TST: variants seen among roughly 807,000 people sequenced by gnomAD.
TST encodes the protein epididymis secretory sperm binding protein.
In TST, 22 loss-of-function variants were observed where a neutral mutation model predicts 20.4. The ratio of observed to expected loss-of-function variants is 1.08; its 90% CI spans 0.77 to 1.54. TST has a LOEUF of 1.54. Ranked by LOEUF, TST falls within the 40% of genes most tolerant of loss-of-function variation. The probability of loss-of-function intolerance (pLI) is 0.00; values close to 1 mark genes in which losing one functional copy is unlikely to be tolerated. For synonymous variants in TST, 187 were observed against 173.8 expected (o/e 1.08, Z -0.60); for missense variants, 392 against 405.2 (o/e 0.97, Z 0.28).
chr22:37,018,688 C>T lies in TST; in HGVS notation c.45G>A (p.Trp15Ter). 1 of 1,536,158 alleles carries T rather than the reference C, an allele frequency of 6.5e-7. No individual in the cohort carries two copies. The highest frequency in any genetic ancestry group is 2.1e-5 in the Admixed American group (1 of 48,644). Reference sequence around the variant, plus strand: ...TGCCAGTCCTGATGGACTCCGCCAGCCACTTGGTGGAGACCAGCGCCCGGT... The same window carrying T: ...TGCCAGTCCTGATGGACTCCGCCAGTCACTTGGTGGAGACCAGCGCCCGGT... ...VLYRALVSTK[W>*]LAESIRTGKL... The change falls in exon 2 of 3, where the codon TGG (tryptophan) becomes TGA (stop). Residue 15 changes from tryptophan to a stop codon, truncating the protein, a stop_gained. Coordinates refer to ENST00000249042, the MANE Select transcript of TST (RefSeq NM_003312.6). LOFTEE classifies it high-confidence loss of function.
At chr22:37,020,027 G>C (rs1391150543), upstream of TST, 3 of 416,614 alleles carry the variant, frequency 7.2e-6, no homozygotes, top group African/African-American at 2.1e-5. Context: ...AAGGGTGACT[G>C]TCCGCTTGGG....
At position 37,010,945 on chromosome 22, in the gene TST, T is replaced by C; in HGVS notation, c.*82A>G. 3 of 1,514,316 alleles carry C rather than the reference T, an allele frequency of 2.0e-6. No individual in the cohort carries two copies. Among genetic ancestry groups the C allele is most frequent in the Non-Finnish European group, 2.7e-6 (3 of 1,123,436 alleles). 93.8% of individuals were successfully genotyped at this position (1,514,316 alleles called of 1,614,324 possible). A position where few individuals can be genotyped will look rare whatever the true frequency, so the allele number is the denominator to read the frequency against. ...GCAATTCTAAAAACATGTCATCTCCTTCACCTAAGAGGTAAGAACCGGCTG... is the reference window on the plus strand; with the variant it reads ...GCAATTCTAAAAACATGTCATCTCCCTCACCTAAGAGGTAAGAACCGGCTG... On this transcript the variant is annotated 3_prime_UTR_variant, in exon 3 of 3. Coordinates refer to ENST00000249042, the MANE Select transcript of TST (RefSeq NM_003312.6).
intron 2 of TST, among the ~76,000 whole-genome samples, chr22:37,016,622 G>C (rs907601570): frequency 6.6e-6 from 1 of 152,082 alleles, no homozygotes; most frequent in Admixed American, 6.6e-5. Flanking sequence ...AGCAGCAAGA[G>C]AACCAATTCC....
chr22:37,010,940 TCTC>T lies in TST; in HGVS notation c.*84_*86del, dbSNP rs1430698842. The T allele has an allele frequency of 6.6e-7, 1 of 1,503,898 alleles. No homozygotes were observed. The highest frequency in any genetic ancestry group is 9.0e-7 in the Non-Finnish European group (1 of 1,117,010). The allele number at this position is 1,503,898 out of a possible 1,614,324, so 93.2% of individuals were successfully genotyped here. On this transcript the variant is annotated 3_prime_UTR_variant, in exon 3 of 3. Coordinates refer to ENST00000249042, the MANE Select transcript of TST (RefSeq NM_003312.6). ...GCACAGCAATTCTAAAAACATGTCA[TCTC>T]CTTCACCTAAGAGGTAAGAACCGGC...
upstream of TST, chr22:37,019,831 G>A: frequency 1.7e-6 from 2 of 1,208,024 alleles, no homozygotes. Flanking sequence ...CCGCGCCGCG[G>A]GGGCCATGGC....
chr22:37,016,111 A>AT (rs984420481), intron 2 of TST, among the ~76,000 whole-genome samples: 10 of 149,498 alleles, frequency 6.7e-5, no homozygotes, highest in South Asian at 4.2e-4. Context: ...CGCCTGGCTA[A>AT]TTTTTTTTTC....
rs1000783141 is a variant in TST at position 37,015,935 on chromosome 22, C to CTTTTTTTT, written c.595+2195_595+2202dup. Among the ~76,000 whole-genome samples the CTTTTTTTT allele has an allele frequency of 5.8e-4, 43 of 73,884 alleles. 8 individuals carry two copies. Among genetic ancestry groups the CTTTTTTTT allele is most frequent in the African/African-American group, 2.3e-3 (40 of 17,238 alleles). The allele number at this position is 73,884 out of a possible 152,430, so 48.5% of individuals were successfully genotyped here. On this transcript the variant is annotated intron_variant, in intron 2 of 2. Coordinates refer to ENST00000249042, the MANE Select transcript of TST (RefSeq NM_003312.6). ...TGAAATCCCTTTCCAGCCACTGCTA[C>CTTTTTTTT]TTTTTTTTTTTTTTTTTTTTTTTTT...
chr22:37,018,305 G>C lies in TST; in HGVS notation c.428C>G (p.Ser143Cys). 2 of 1,614,054 alleles carry C rather than the reference G, an allele frequency of 1.2e-6. No individual in the cohort carries two copies. Among genetic ancestry groups the C allele is most frequent in the Non-Finnish European group, 1.7e-6 (2 of 1,180,022 alleles). ...NWLKEGHPVT[S>C]EPSRPEPAVF... is the part of the protein sequence containing the mutation. ...GGCCGGTTCTGGGCGTGAGGGCTCG[G>C]ATGTCACCGGGTGGCCCTCCTTCAG... Residue 143 changes from serine (S) to cysteine (C), a missense_variant, in exon 2 of 3, where the codon TCC (serine) becomes TGC (cysteine). Transcript: ENST00000249042.
upstream of TST, chr22:37,019,871 G>A (rs1291079160): frequency 2.5e-6 from 3 of 1,220,208 alleles, no homozygotes; most frequent in East Asian, 6.3e-5. Flanking sequence ...TCCGAGACCC[G>A]GGTAACTGCC....
Position 37,011,160 on chromosome 22 carries a change from G to A in TST, c.761C>T (p.Ala254Val). ...LIATCRKGVT[A>V]CHVALAAYLC... is the part of the protein sequence containing the mutation. ...GTAGGCAGCCAAGGCCACGTGGCAGGCGGTGACTCCCTTGCGGCACGTGGC... is the reference window on the plus strand; with the variant it reads ...GTAGGCAGCCAAGGCCACGTGGCAGACGGTGACTCCCTTGCGGCACGTGGC... The change falls in exon 3 of 3, where the codon GCC becomes GTC. Residue 254 changes from alanine (A) to valine (V), a missense_variant. By Grantham distance (64) the Ala-to-Val change is moderately conservative (BLOSUM62 0). Coordinates refer to ENST00000249042, the MANE Select transcript of TST (RefSeq NM_003312.6). 6.2e-7 allele frequency: 1 copy of A among 1,613,820 alleles called. No individual in the cohort carries two copies. The highest frequency in any genetic ancestry group is 8.5e-7 in the Non-Finnish European group (1 of 1,180,048).
At chr22:37,015,935 C>CTTTTTTTTTTTTT (rs1000783141) in intron 2 of TST, among the ~76,000 whole-genome samples, 1 of 73,868 alleles carries the variant, frequency 1.4e-5, no homozygotes, top group Non-Finnish European at 2.5e-5. Context: ...GCCACTGCTA[C>CTTTTTTTTTTTTT]TTTTTTTTTT....
chr22:37,016,471 A>G (rs971470152), intron 2 of TST, among the ~76,000 whole-genome samples: 2 of 152,146 alleles, frequency 1.3e-5, no homozygotes, highest in African/African-American at 4.8e-5. Flanking sequence ...CCGGGCCTTC[A>G]GGAGGCATTA....
chr22:37,015,961 T>TTTTTTA (rs1922664263), intron 2 of TST, among the ~76,000 whole-genome samples: 2 of 131,476 alleles, frequency 1.5e-5, no homozygotes, highest in Admixed American at 8.1e-5. Flanking sequence ...TTTTTTTTTT[T>TTTTTTA]GAGACAGAGT....
At position 37,018,138 on chromosome 22, in the gene TST, C is replaced by T. The variant is rs1195225105; in HGVS notation, c.595G>A (p.Gly199Arg). The T allele has an allele frequency of 1.2e-5, 18 of 1,546,252 alleles. No individual in the cohort carries two copies. The highest frequency in any genetic ancestry group is 1.5e-5 in the Non-Finnish European group (17 of 1,144,596). ...LGTEPEPDAV[G>R]LDSGHIRGAV... The stretch of plus-strand genomic sequence containing the variant: ...GACCACCCAGCACTGGGACACCTAC[C>T]TACTGCATCCGGCTCCGGCTCGGTG... The change falls in exon 2 of 3, where the codon GGA (glycine) becomes AGA (arginine). Residue 199 changes from glycine (G) to arginine (R), a missense_variant and splice_region_variant. Coordinates refer to ENST00000249042, the MANE Select transcript of TST (RefSeq NM_003312.6).
In TST at chr22:37,011,287, G is replaced by C. The variant is rs760288142; in HGVS notation, c.634C>G (p.Pro212Ala). 1 of 1,613,808 alleles carries C rather than the reference G, an allele frequency of 6.2e-7. No homozygotes were observed. The highest frequency in any genetic ancestry group is 1.7e-5 in the Admixed American group (1 of 60,020). Residue 212 changes from proline to alanine, a missense_variant, in exon 3 of 3, where the codon CCT becomes GCT. Physicochemically the swap from Pro to Ala is conservative, Grantham distance 27. Transcript: ENST00000249042. ...TCCTCAGTCAGGAAGTCCATGAAAG[G>C]CATGTTGACGGCACCACGGATATGG... The part of the protein sequence containing the change: ...SGHIRGAVNM[P>A]FMDFLTEDGF...
chr22:37,020,132 A>G, upstream of TST: 1 of 382,978 alleles, frequency 2.6e-6, no homozygotes, highest in Non-Finnish European at 4.6e-6. Flanking sequence ...GGGGAGAGAG[A>G]GGAGGACAGG....
chr22:37,016,911 T>A (rs1443742989), intron 2 of TST, among the ~76,000 whole-genome samples: 1 of 152,234 alleles, frequency 6.6e-6, no homozygotes, highest in African/African-American at 2.4e-5. Context: ...CTCCCCTCTG[T>A]CAGGTGAGGT....
At chr22:37,019,194 C>T (rs1318249702) in intron 1 of TST, 1 of 158,116 alleles carries the variant, frequency 6.3e-6, no homozygotes, top group Non-Finnish European at 1.4e-5. Flanking sequence ...GCGCACACGC[C>T]ATCGCCTGCG....
At chr22:37,018,982 T>C in intron 1 of TST, 1 of 426,584 alleles carries the variant, frequency 2.3e-6, no homozygotes, top group African/African-American at 2.0e-5. Flanking sequence ...CAGAAGCGGG[T>C]GGGGCAAGAG....
Sources: allele counts gnomAD v4.1 joint callset (sites outside exome capture counted in the v4.1 genomes callset), GRCh38; gene constraint gnomAD v4.1.1; transcripts MANE v1.5; gene names NCBI Gene and HGNC (gene_info 2026-07-23, HGNC 2026-07-21).